Variants in PPARGC1A observed in about 807,000 individuals in gnomAD.
PPARGC1A encodes the protein peroxisome proliferator-activated receptor gamma coactivator 1-alpha.
PPARGC1A carries 25 observed loss-of-function variants against 88.7 expected under a neutral mutation model. That is an observed-to-expected ratio of 0.28 (90% confidence interval 0.21 to 0.39). The LOEUF (loss-of-function observed/expected upper bound fraction) is 0.39, where lower values mean the gene tolerates loss of function less well. Ranked by LOEUF, PPARGC1A falls within the 10% of genes least tolerant of loss-of-function variation. The pLI, the probability that PPARGC1A is intolerant of heterozygous loss-of-function variation, is 1.00. For missense variants in PPARGC1A, 880 were observed against 968.7 expected (o/e 0.91, Z 1.22); for synonymous variants, 363 against 355.6 (o/e 1.02, Z -0.24).
chr4:24,058,803 G>A, the PPARGC1A span, among the ~76,000 whole-genome samples: 1 of 152,102 alleles, frequency 6.6e-6, no homozygotes, highest in Admixed American at 6.5e-5. Context: ...AAATTAGCCG[G>A]GCGTGGTGGT....
the PPARGC1A span, among the ~76,000 whole-genome samples, chr4:24,234,380 A>G: frequency 1.3e-5 from 2 of 152,218 alleles, no homozygotes; most frequent in South Asian, 4.1e-4. Context: ...TACTTTTTCC[A>G]GTTATAGTTT....
the PPARGC1A span, among the ~76,000 whole-genome samples, chr4:24,417,606 G>A: frequency 6.6e-6 from 1 of 152,116 alleles, no homozygotes; most frequent in Admixed American, 6.5e-5. Flanking sequence ...GCAAAAGTCT[G>A]GAAACAACCC....
the PPARGC1A span, among the ~76,000 whole-genome samples, chr4:24,440,387 T>C: frequency 6.6e-6 from 1 of 152,170 alleles, no homozygotes; most frequent in Non-Finnish European, 1.5e-5. Flanking sequence ...ACCGACCCCA[T>C]GGAGCTGGGC....
At chr4:24,217,310 A>C in the PPARGC1A span, among the ~76,000 whole-genome samples, 1 of 152,202 alleles carries the variant, frequency 6.6e-6, no homozygotes, top group Admixed American at 6.5e-5. Context: ...GAGCAATTGT[A>C]GGAACCTAAT....
At chr4:24,361,020 G>T in the PPARGC1A span, among the ~76,000 whole-genome samples, 8 of 152,284 alleles carry the variant, frequency 5.3e-5, no homozygotes, top group East Asian at 1.2e-3. Flanking sequence ...TTACAAGAAG[G>T]CAGGGGTTGC....
At chr4:23,889,366 T>C in intron 1 of PPARGC1A, 2 of 985,334 alleles carry the variant, frequency 2.0e-6, no homozygotes, top group Non-Finnish European at 2.4e-6. Context: ...TGTTTTGTGT[T>C]CTGTGGGAAA....
the PPARGC1A span, among the ~76,000 whole-genome samples, chr4:24,034,760 G>A: frequency 2.0e-5 from 3 of 152,286 alleles, no homozygotes; most frequent in South Asian, 2.1e-4. Flanking sequence ...AAGAAGAAAA[G>A]ACATTTTAAA....
the PPARGC1A span, among the ~76,000 whole-genome samples, chr4:24,286,817 C>G: frequency 6.6e-6 from 1 of 152,156 alleles, no homozygotes; most frequent in African/African-American, 2.4e-5. Context: ...GGCTCAGGGT[C>G]TCCCACAAGA....
At chr4:24,322,229 T>C in the PPARGC1A span, among the ~76,000 whole-genome samples, 4 of 152,244 alleles carry the variant, frequency 2.6e-5, no homozygotes, top group African/African-American at 7.2e-5. Flanking sequence ...TTAGTGACTT[T>C]TGAGCTAGCT....
At chr4:24,146,600 G>A in the PPARGC1A span, among the ~76,000 whole-genome samples, 9 of 152,182 alleles carry the variant, frequency 5.9e-5, no homozygotes, top group South Asian at 6.2e-4. Flanking sequence ...CTGCATCAGC[G>A]TTTTTTCCCA....
At chr4:24,285,462 T>C in the PPARGC1A span, among the ~76,000 whole-genome samples, 7 of 152,180 alleles carry the variant, frequency 4.6e-5, no homozygotes, top group African/African-American at 1.2e-4. Flanking sequence ...TTCAAGATTC[T>C]GCCAAACAGA....
chr4:24,023,190 C>A, the PPARGC1A span, among the ~76,000 whole-genome samples: 2 of 152,020 alleles, frequency 1.3e-5, no homozygotes, highest in East Asian at 3.9e-4. Context: ...AGAGTACTGA[C>A]AAATACTTGC....
chr4:23,819,707 A>G (rs1722639618), intron 7 of PPARGC1A, among the ~76,000 whole-genome samples: 1 of 152,292 alleles, frequency 6.6e-6, no homozygotes, highest in South Asian at 2.1e-4. Context: ...GAAATTGAAA[A>G]TAGAAAATGA....
the PPARGC1A span, among the ~76,000 whole-genome samples, chr4:24,123,116 C>T: frequency 2.6e-5 from 4 of 152,154 alleles, no homozygotes; most frequent in African/African-American, 9.7e-5. Context: ...TCTCCCAACC[C>T]AATTGCTCCA....
intron 10 of PPARGC1A, among the ~76,000 whole-genome samples, chr4:23,805,735 A>T: frequency 6.6e-6 from 1 of 151,692 alleles, no homozygotes; most frequent in East Asian, 1.9e-4. Flanking sequence ...GTGTTAAGGA[A>T]TTTTTTTTTA....
chr4:23,800,752 T>C (rs1245153129), intron 12 of PPARGC1A, among the ~76,000 whole-genome samples: 1 of 151,780 alleles, frequency 6.6e-6, no homozygotes, highest in Non-Finnish European at 1.5e-5. Context: ...TACCTTTTTA[T>C]ATTTACCATA....
the PPARGC1A span, among the ~76,000 whole-genome samples, chr4:23,959,086 C>A: frequency 6.6e-6 from 1 of 151,526 alleles, no homozygotes; most frequent in Non-Finnish European, 1.5e-5. Flanking sequence ...ATGCTCAGTT[C>A]TGTTCCAAAC....
rs1226068266 is a variant in PPARGC1A at position 23,794,036 on chromosome 4, C to T, written c.*1786G>A. 1 of 152,542 alleles carries T rather than the reference C, an allele frequency of 6.6e-6. No individual in the cohort carries two copies. Among genetic ancestry groups the T allele is most frequent in the East Asian group, 1.9e-4 (1 of 5,194 alleles). The allele number at this position is 152,542 out of a possible 1,614,324, so 9.4% of individuals were successfully genotyped here. A position where few individuals can be genotyped will look rare whatever the true frequency, so the allele number is the denominator to read the frequency against. On this transcript the variant is annotated 3_prime_UTR_variant, in exon 13 of 13. Transcript: ENST00000264867. The stretch of plus-strand genomic sequence containing the variant: ...TGTAAAAAATACAGATAAATACCAT[C>T]GTCATACTCTGCCAAGGGAAAGAAA...
At chr4:23,914,762 GT>G in the PPARGC1A span, among the ~76,000 whole-genome samples, 1 of 152,156 alleles carries the variant, frequency 6.6e-6, no homozygotes, top group Non-Finnish European at 1.5e-5. Context: ...TTAGATGTCA[GT>G]CAATATCAAG....
Sources: allele counts gnomAD v4.1 joint callset (sites outside exome capture counted in the v4.1 genomes callset), GRCh38; gene constraint gnomAD v4.1.1; transcripts MANE v1.5; gene names NCBI Gene and HGNC (gene_info 2026-07-23, HGNC 2026-07-21).